SH3PXD2B: variants seen among roughly 807,000 people sequenced by gnomAD.
The protein encoded by SH3PXD2B is SH3 and PX domain-containing protein 2B.
SH3PXD2B carries 37 observed loss-of-function variants against 73.1 expected under a neutral mutation model. The observed-to-expected ratio is 0.51, with a 90% CI of 0.39 to 0.67. The LOEUF is 0.67. Ranked by LOEUF, SH3PXD2B falls within the 30% of genes least tolerant of loss-of-function variation. SH3PXD2B has a pLI of 0.00. For synonymous variants in SH3PXD2B, 457 were observed against 480.5 expected, an observed-to-expected ratio of 0.95 and a Z score of 0.64; for missense variants, 1,053 against 1,197.8, an observed-to-expected ratio of 0.88 and a Z score of 1.78.
intron 7 of SH3PXD2B, 24 bp downstream of exon 7, chr5:172,362,711 G>A (rs1031995686): frequency 6.2e-7 from 1 of 1,613,938 alleles, no homozygotes; most frequent in Non-Finnish European, 8.5e-7. Context: ...GGTAGTGGGA[G>A]AGGGAGATGG....
intron 2 of SH3PXD2B, among the ~76,000 whole-genome samples, chr5:172,406,588 A>G (rs1758564249): frequency 6.6e-6 from 1 of 152,156 alleles, no homozygotes; most frequent in Admixed American, 6.6e-5. Context: ...GAGTTAGGAG[A>G]GACCATTCCC....
intron 1 of SH3PXD2B, among the ~76,000 whole-genome samples, chr5:172,444,496 C>T (rs77932857): frequency 0.018 from 2,750 of 152,310 alleles, 38 homozygotes; most frequent in Non-Finnish European, 0.027. Context: ...CATGAAAAGC[C>T]TTGAGCACAT....
At chr5:172,374,528 A>G (rs559721965) in intron 5 of SH3PXD2B, among the ~76,000 whole-genome samples, 31 of 152,288 alleles carry the variant, frequency 2.0e-4, no homozygotes, top group African/African-American at 7.5e-4. Flanking sequence ...CTAAAAATAC[A>G]AAAATTAGCT....
chr5:172,344,195 T>C (rs1237670001), intron 12 of SH3PXD2B, among the ~76,000 whole-genome samples: 1 of 152,088 alleles, frequency 6.6e-6, no homozygotes, highest in African/African-American at 2.4e-5. Context: ...TAGAATGCTG[T>C]GGTTCCATTA....
At chr5:172,341,516 C>T (rs530973169) in intron 12 of SH3PXD2B, among the ~76,000 whole-genome samples, 1 of 152,336 alleles carries the variant, frequency 6.6e-6, no homozygotes, top group Non-Finnish European at 1.5e-5. Flanking sequence ...TCCTGCTTTG[C>T]CTTCCGCCCT....
chr5:172,403,339 C>T (rs1017931247), intron 3 of SH3PXD2B, among the ~76,000 whole-genome samples: 1 of 152,224 alleles, frequency 6.6e-6, no homozygotes, highest in South Asian at 2.1e-4. Context: ...TGCTTTTGTT[C>T]TGCTGACGCG....
intron 1 of SH3PXD2B, among the ~76,000 whole-genome samples, chr5:172,441,939 A>T (rs1433174544): frequency 6.6e-6 from 1 of 152,094 alleles, no homozygotes; most frequent in Non-Finnish European, 1.5e-5. Flanking sequence ...TTGGGCTCCT[A>T]ATCTGCCAGA....
At chr5:172,332,137 C>T (rs1756566909), downstream of SH3PXD2B, among the ~76,000 whole-genome samples, 1 of 152,148 alleles carries the variant, frequency 6.6e-6, no homozygotes, top group African/African-American at 2.4e-5. Context: ...GCCCCTCCAG[C>T]CCCAGCCGGA....
intron 5 of SH3PXD2B, among the ~76,000 whole-genome samples, chr5:172,375,443 CAA>C (rs1465888913): frequency 6.6e-6 from 1 of 152,134 alleles, no homozygotes; most frequent in Non-Finnish European, 1.5e-5. Flanking sequence ...CAAGGTTGTC[CAA>C]CCATCACCAG....
chr5:172,409,882 AT>A (rs1244644185), intron 2 of SH3PXD2B, among the ~76,000 whole-genome samples: 1 of 151,986 alleles, frequency 6.6e-6, no homozygotes, highest in East Asian at 1.9e-4. Context: ...CACCTGGCTA[AT>A]TTTTGTATTT....
chr5:172,410,956 C>T (rs1758678171), intron 2 of SH3PXD2B, among the ~76,000 whole-genome samples: 1 of 152,192 alleles, frequency 6.6e-6, no homozygotes, highest in Non-Finnish European at 1.5e-5. Context: ...GTCTAAATTC[C>T]ATTCTTTTTG....
intron 11 of SH3PXD2B, 21 bp downstream of exon 11, chr5:172,347,262 C>G: frequency 6.2e-7 from 1 of 1,613,930 alleles, no homozygotes; most frequent in Middle Eastern, 1.7e-4. Context: ...GGCCACTCCC[C>G]AGTAGCGAGG....
At chr5:172,369,478 A>C (rs1161399370) in intron 6 of SH3PXD2B, among the ~76,000 whole-genome samples, 1 of 152,004 alleles carries the variant, frequency 6.6e-6, no homozygotes, top group Non-Finnish European at 1.5e-5. Context: ...AACAGTTTAA[A>C]ACTCAGCTTT....
chr5:172,445,477 T>C lies in SH3PXD2B; in HGVS notation c.75+8801A>G, dbSNP rs1018553469. On this transcript the variant is annotated intron_variant, in intron 1 of 12. Coordinates refer to ENST00000311601, the MANE Select transcript of SH3PXD2B (RefSeq NM_001017995.3). The surrounding 1 kb of genome is among the most constrained non-coding windows in gnomAD (Gnocchi z 5.2). ...TTCTCGCCTCAGCCTCCCAAGATGC[T>C]GGGATTACAGGCGTGAACTCCCATG... 1.3e-5 allele frequency among the ~76,000 whole-genome samples: 2 copies of C among 152,190 alleles called. No homozygotes were observed. Among genetic ancestry groups the C allele is most frequent in the African/African-American group, 4.8e-5 (2 of 41,454 alleles).
At position 172,358,753 on chromosome 5, in the gene SH3PXD2B, A is replaced by T; in HGVS notation, c.667+20T>A. ...TGCACAGGTCCTCCCCAGTGAGCAG[A>T]GGCTCGAGCTCCTCCCTACCTTCTT... On this transcript the variant is annotated intron_variant, in intron 8 of 12. Transcript: ENST00000311601. 1 of 1,601,068 alleles carries T rather than the reference A, an allele frequency of 6.2e-7. No individual in the cohort carries two copies. The highest frequency in any genetic ancestry group is 8.5e-7 in the Non-Finnish European group (1 of 1,173,250).
At chr5:172,340,559 G>T (rs893747427) in intron 12 of SH3PXD2B, among the ~76,000 whole-genome samples, 1 of 152,152 alleles carries the variant, frequency 6.6e-6, no homozygotes, top group Admixed American at 6.5e-5. Flanking sequence ...GGATGAAGAA[G>T]TTAGCTGGCA....
chr5:172,333,391 G>A, downstream of SH3PXD2B: 1 of 624,470 alleles, frequency 1.6e-6, no homozygotes, highest in Non-Finnish European at 2.1e-6. Context: ...TTTCTCCACA[G>A]TTCCCAAACA....
chr5:172,365,256 C>G (rs1038862231), intron 6 of SH3PXD2B, among the ~76,000 whole-genome samples: 1 of 152,208 alleles, frequency 6.6e-6, no homozygotes, highest in African/African-American at 2.4e-5. Context: ...AGCCTACAGA[C>G]AGCACAGAAA....
chr5:172,368,883 T>G (rs1265903476), intron 6 of SH3PXD2B, among the ~76,000 whole-genome samples: 1 of 131,472 alleles, frequency 7.6e-6, no homozygotes, highest in Non-Finnish European at 1.6e-5. Flanking sequence ...ATATATAATA[T>G]AAAAAAAAAT....
Sources: gnomAD v4.1 joint callset for allele counts (sites outside exome capture counted in the v4.1 genomes callset) on GRCh38, gnomAD v4.1.1 for gene constraint, Gnocchi (gnomAD v3.1) non-coding constraint, MANE v1.5 for transcripts, NCBI Gene and HGNC (gene_info 2026-07-23, HGNC 2026-07-21) for gene names.